VAV3: variants seen among roughly 807,000 people sequenced by gnomAD.
VAV3 encodes guanine nucleotide exchange factor VAV3.
In VAV3, 94 loss-of-function variants were observed where a neutral mutation model predicts 131.2. The observed-to-expected ratio is 0.72, with a 90% CI of 0.61 to 0.85. VAV3 has a LOEUF of 0.85. Ranked by LOEUF, VAV3 falls within the 40% of genes least tolerant of loss-of-function variation. The pLI is 0.00. For missense variants in VAV3, 939 were observed against 1,002.7 expected, an observed-to-expected ratio of 0.94 and a Z score of 0.86; for synonymous variants, 349 against 342.0, an observed-to-expected ratio of 1.02 and a Z score of -0.22.
chr1:107,865,551 G>A (rs561613054), intron 2 of VAV3, among the ~76,000 whole-genome samples: 3 of 152,292 alleles, frequency 2.0e-5, no homozygotes, highest in East Asian at 1.9e-4. Flanking sequence ...GGACTTAAGC[G>A]AGGGAGTTTA....
intron 1 of VAV3, among the ~76,000 whole-genome samples, chr1:107,950,671 G>A (rs957211564): frequency 1.3e-5 from 2 of 152,212 alleles, no homozygotes; most frequent in Non-Finnish European, 2.9e-5. Context: ...GGGTGCTCTA[G>A]GAGTCAGGTG....
At chr1:107,899,322 C>T (rs1344217834) in intron 1 of VAV3, among the ~76,000 whole-genome samples, 3 of 152,140 alleles carry the variant, frequency 2.0e-5, no homozygotes, top group African/African-American at 7.2e-5. Context: ...CGGTAAGCGG[C>T]CATCCAATCA....
At chr1:107,896,985 T>C (rs1671614051) in intron 1 of VAV3, among the ~76,000 whole-genome samples, 1 of 151,736 alleles carries the variant, frequency 6.6e-6, no homozygotes, top group Non-Finnish European at 1.5e-5. Context: ...ACTCAACAGA[T>C]AGAAGGGTGA....
At chr1:107,769,504 T>C (rs550855607) in intron 6 of VAV3, among the ~76,000 whole-genome samples, 1 of 152,260 alleles carries the variant, frequency 6.6e-6, no homozygotes, top group Admixed American at 6.5e-5. Context: ...TCTGGAGAGC[T>C]GGCCTCAAAC....
rs534049088 is a variant in VAV3 at position 107,702,752 on chromosome 1, A to G, written c.1705+1798T>C. 7.9e-5 allele frequency among the ~76,000 whole-genome samples: 12 copies of G among 151,850 alleles called. No homozygotes were observed. In the East Asian group the frequency reaches 1.9e-3, roughly 24 times the overall value. On this transcript the variant is annotated intron_variant, in intron 17 of 26. Transcript: ENST00000370056. ...TAACGTTCCCATCCACGTGTACTCC[A>G]GATCATGAAAACAATAAAAATACTA... is the stretch of plus-strand genomic sequence containing the variant.
intron 15 of VAV3, among the ~76,000 whole-genome samples, chr1:107,706,308 G>A (rs1468277209): frequency 6.6e-6 from 1 of 152,170 alleles, no homozygotes; most frequent in East Asian, 1.9e-4. Context: ...AATCTCTGAG[G>A]TACCAGGAGA....
chr1:107,856,766 G>A (rs1371970595), intron 2 of VAV3, among the ~76,000 whole-genome samples: 1 of 152,144 alleles, frequency 6.6e-6, no homozygotes, highest in Non-Finnish European at 1.5e-5. Context: ...GCCAGGCATG[G>A]TGGCTCACAC....
chr1:107,935,460 G>A (rs1013821100), intron 1 of VAV3, among the ~76,000 whole-genome samples: 1 of 152,142 alleles, frequency 6.6e-6, no homozygotes, highest in African/African-American at 2.4e-5. Context: ...ACAGTGTTAC[G>A]AGCACTGAAA....
intron 20 of VAV3, among the ~76,000 whole-genome samples, chr1:107,633,272 A>T (rs1332900684): frequency 1.3e-5 from 2 of 152,210 alleles, no homozygotes; most frequent in Non-Finnish European, 2.9e-5. Flanking sequence ...TGGTTAGAAA[A>T]ATATGAATTC....
At chr1:107,917,430 C>T (rs1352820701) in intron 1 of VAV3, among the ~76,000 whole-genome samples, 3 of 152,160 alleles carry the variant, frequency 2.0e-5, no homozygotes, top group African/African-American at 7.2e-5. Flanking sequence ...AGTTAGGTAA[C>T]TGCCAGAATT....
intron 1 of VAV3, among the ~76,000 whole-genome samples, chr1:107,895,541 C>T (rs1671524156): frequency 6.6e-6 from 1 of 152,228 alleles, no homozygotes; most frequent in South Asian, 2.1e-4. Flanking sequence ...TGTCATACAG[C>T]CAATAGTTAG....
At chr1:107,791,349 T>C (rs1020135186) in intron 2 of VAV3, among the ~76,000 whole-genome samples, 2 of 146,076 alleles carry the variant, frequency 1.4e-5, no homozygotes, top group South Asian at 2.3e-4. Flanking sequence ...GGCAGTTCAA[T>C]AGATTAACTA....
intron 15 of VAV3, among the ~76,000 whole-genome samples, chr1:107,737,021 A>C (rs1311913393): frequency 6.6e-6 from 1 of 152,194 alleles, no homozygotes; most frequent in Admixed American, 6.5e-5. Flanking sequence ...AGACCAATGG[A>C]ACAGAATAGA....
chr1:107,753,661 G>A (rs1030863882), intron 12 of VAV3, among the ~76,000 whole-genome samples: 2 of 151,224 alleles, frequency 1.3e-5, no homozygotes, highest in Non-Finnish European at 2.9e-5. Flanking sequence ...CTGGGTTCAA[G>A]CAATTCTCCT....
At chr1:107,626,786 T>C (rs1263010026) in intron 20 of VAV3, among the ~76,000 whole-genome samples, 1 of 152,200 alleles carries the variant, frequency 6.6e-6, no homozygotes, top group East Asian at 1.9e-4. Context: ...TACTCTCTGG[T>C]TTATAACCCA....
chr1:107,938,602 T>C (rs562692447), intron 1 of VAV3, among the ~76,000 whole-genome samples: 2 of 152,236 alleles, frequency 1.3e-5, no homozygotes, highest in East Asian at 3.9e-4. Context: ...GTGGATGACT[T>C]GGTTGTCCTT....
At chr1:107,678,567 T>C (rs1042889147) in intron 19 of VAV3, among the ~76,000 whole-genome samples, 2 of 152,136 alleles carry the variant, frequency 1.3e-5, no homozygotes, top group African/African-American at 4.8e-5. Flanking sequence ...ATATAAAATT[T>C]CTCTATTGAA....
At chr1:107,669,285 T>C in intron 19 of VAV3, 6 of 1,283,474 alleles carry the variant, frequency 4.7e-6, no homozygotes, top group Non-Finnish European at 6.1e-6. Flanking sequence ...GCTGTGTAAG[T>C]GGGGACAAAA....
At chr1:107,928,420 C>T (rs1469778226) in intron 1 of VAV3, among the ~76,000 whole-genome samples, 1 of 152,124 alleles carries the variant, frequency 6.6e-6, no homozygotes, top group East Asian at 1.9e-4. Context: ...AAATTAGGCA[C>T]CAAGGACCAA....
Sources: gnomAD v4.1 joint callset for allele counts (sites outside exome capture counted in the v4.1 genomes callset) on GRCh38, gnomAD v4.1.1 for gene constraint, MANE v1.5 for transcripts, NCBI Gene and HGNC (gene_info 2026-07-23, HGNC 2026-07-21) for gene names.